Variants in SLAMF9 observed in about 807,000 individuals in gnomAD.
SLAMF9 encodes the protein CD2 family member 10.
A neutral mutation model predicts 30.4 loss-of-function variants in SLAMF9; 25 were observed. The ratio of observed to expected loss-of-function variants is 0.82; its 90% confidence interval spans 0.60 to 1.15. The LOEUF is 1.15. Among genes scored for constraint, SLAMF9 ranks in the 50% most tolerant of loss-of-function variants. The pLI is 0.00. For missense variants in SLAMF9, 344 were observed against 346.1 expected, an observed-to-expected ratio of 0.99 and a Z score of 0.05; for synonymous variants, 129 against 127.2, an observed-to-expected ratio of 1.01 and a Z score of -0.09.
At chr1:159,973,504 C>A in the SLAMF9 span, among the ~76,000 whole-genome samples, 1 of 152,170 alleles carries the variant, frequency 6.6e-6, no homozygotes, top group Non-Finnish European at 1.5e-5. Flanking sequence ...GCAGAGGGGG[C>A]CTTCGAGGTC....
the SLAMF9 span, among the ~76,000 whole-genome samples, chr1:159,981,418 C>T: frequency 2.0e-5 from 3 of 152,186 alleles, no homozygotes; most frequent in East Asian, 3.9e-4. Context: ...TGAGCTGACT[C>T]CTGCATCTGC....
At chr1:159,975,995 TAGA>T in the SLAMF9 span, among the ~76,000 whole-genome samples, 2 of 152,128 alleles carry the variant, frequency 1.3e-5, no homozygotes, top group Admixed American at 1.3e-4. Context: ...GGGCTGGAGA[TAGA>T]GACTTGGGAG....
At chr1:159,977,908 G>A in the SLAMF9 span, among the ~76,000 whole-genome samples, 1 of 152,152 alleles carries the variant, frequency 6.6e-6, no homozygotes, top group Non-Finnish European at 1.5e-5. Context: ...CCATCACAGG[G>A]ACCTGCCATG....
chr1:159,978,678 C>T, the SLAMF9 span: 6 of 152,370 alleles, frequency 3.9e-5, no homozygotes, highest in East Asian at 1.9e-4. Flanking sequence ...GCATGGTAGA[C>T]ATCAGTGGTG....
At chr1:159,959,810 G>A in the SLAMF9 span, among the ~76,000 whole-genome samples, 1 of 152,050 alleles carries the variant, frequency 6.6e-6, no homozygotes, top group Non-Finnish European at 1.5e-5. Context: ...TCCAAAGGCA[G>A]TGACACCAGT....
At chr1:159,973,787 T>C in the SLAMF9 span, 3 of 1,613,498 alleles carry the variant, frequency 1.9e-6, no homozygotes, top group South Asian at 1.1e-5. Flanking sequence ...ACTCCCAAGC[T>C]GGTGACTTAC....
upstream of SLAMF9, among the ~76,000 whole-genome samples, chr1:159,957,610 G>A (rs1313958622): frequency 6.6e-6 from 1 of 152,016 alleles, no homozygotes; most frequent in South Asian, 2.1e-4. Context: ...GCGACAGAGC[G>A]AGACTCCATC....
chr1:159,976,960 GAGAAA>G, the SLAMF9 span: 7 of 101,882 alleles, frequency 6.9e-5, no homozygotes, highest in African/African-American at 2.4e-4. Context: ...AAGAAAGAAA[GAGAAA>G]GAAAGAAGGA....
intron 2 of SLAMF9, 52 bp from the exon 3 acceptor site, chr1:159,952,586 G>A: frequency 6.3e-7 from 1 of 1,584,062 alleles, no homozygotes; most frequent in Non-Finnish European, 8.6e-7. Context: ...GATCGGGTCT[G>A]TTTTCCTAAG....
Sources: allele counts gnomAD v4.1 joint callset (sites outside exome capture counted in the v4.1 genomes callset), GRCh38; gene constraint gnomAD v4.1.1; transcripts MANE v1.5; gene names NCBI Gene and HGNC (gene_info 2026-07-23, HGNC 2026-07-21).